The following CDKN3 variants were observed in gnomAD, a reference collection of about 807,000 sequenced individuals.
The protein encoded by CDKN3 is cyclin-dependent kinase inhibitor 3.
A neutral mutation model predicts 36.1 loss-of-function variants in CDKN3; 19 were observed. The ratio of observed to expected loss-of-function variants is 0.53; its 90% CI spans 0.37 to 0.77. The LOEUF (loss-of-function observed/expected upper bound fraction) is 0.77. Among genes scored for constraint, CDKN3 ranks in the 30% least tolerant of loss-of-function variants. The pLI is 0.00. For missense variants in CDKN3, 188 were observed against 248.6 expected (o/e 0.76, Z 1.64); for synonymous variants, 71 against 85.3 (o/e 0.83, Z 0.92).
rs556760670 is a variant in CDKN3 at position 54,406,114 on chromosome 14, T to A, written c.149-2631T>A. The stretch of plus-strand genomic sequence containing the variant: ...ACTTAGGAAGCTTAGTTTGGCTGGA[T>A]ATGAAATTCTGGGTTGAAAATTATT... On this transcript the variant is annotated intron_variant, in intron 3 of 7. Transcript: ENST00000335183. 2.0e-5 allele frequency among the ~76,000 whole-genome samples: 3 copies of A among 152,344 alleles called. No homozygotes were observed. In the South Asian group the frequency reaches 6.2e-4, roughly 32 times the overall value.
intron 4 of CDKN3, among the ~76,000 whole-genome samples, chr14:54,410,152 C>CT (rs901773734): frequency 6.6e-6 from 1 of 151,834 alleles, no homozygotes; most frequent in Non-Finnish European, 1.5e-5. Flanking sequence ...TTTCAAAATA[C>CT]TTTTTTTTCT....
chr14:54,403,957 T>A (rs2030054283), intron 3 of CDKN3, among the ~76,000 whole-genome samples: 1 of 152,330 alleles, frequency 6.6e-6, no homozygotes, highest in Admixed American at 6.5e-5. Context: ...TACTGAGGAT[T>A]TTCGCATCGA....
intron 3 of CDKN3, among the ~76,000 whole-genome samples, chr14:54,407,697 C>A (rs937183586): frequency 3.9e-5 from 6 of 152,206 alleles, no homozygotes; most frequent in African/African-American, 1.2e-4. Context: ...GCCCCTCCCC[C>A]CACCAAGCTG....
chr14:54,410,654 G>C (rs750179220), intron 4 of CDKN3, among the ~76,000 whole-genome samples: 4 of 152,186 alleles, frequency 2.6e-5, no homozygotes, highest in South Asian at 2.1e-4. Context: ...ATATGAGGGA[G>C]AATACTAGCA....
intron 2 of CDKN3, 72 bp from the exon 3 acceptor site, chr14:54,401,452 T>C: frequency 9.9e-7 from 1 of 1,013,556 alleles, no homozygotes; most frequent in Non-Finnish European, 1.5e-6. Context: ...GCACCCATAT[T>C]GATTAAACTG....
At chr14:54,397,123 G>A in intron 1 of CDKN3, 46 bp downstream of exon 1, 3 of 1,459,162 alleles carry the variant, frequency 2.1e-6, no homozygotes, top group Non-Finnish European at 1.8e-6. Flanking sequence ...CGGCAGGGAC[G>A]CAAGCGGTCC....
chr14:54,399,849 C>T (rs1566703073), intron 1 of CDKN3, 45 bp from the exon 2 acceptor site: 1 of 1,011,000 alleles, frequency 9.9e-7, no homozygotes, highest in Non-Finnish European at 1.6e-6. Flanking sequence ...CCTAAAACTA[C>T]AAAAAAATTC....
At chr14:54,407,305 G>T (rs2103777) in intron 3 of CDKN3, among the ~76,000 whole-genome samples, 58,552 of 152,116 alleles carry the variant, frequency 0.38, 13,077 homozygotes, top group Non-Finnish European at 0.5. Context: ...GTGTCTCCCC[G>T]TTAGGAGGCG....
chr14:54,417,995 T>C (rs1423209275), intron 7 of CDKN3, 44 bp downstream of exon 7: 1 of 1,097,322 alleles, frequency 9.1e-7, no homozygotes. Flanking sequence ...TTGGGGTCGT[T>C]GTTACAAATA....
chr14:54,417,512 C>T (rs2030590399), intron 6 of CDKN3, among the ~76,000 whole-genome samples: 1 of 152,130 alleles, frequency 6.6e-6, no homozygotes, highest in African/African-American at 2.4e-5. Flanking sequence ...TAGAGGATGA[C>T]AGCAAAAGGG....
intron 1 of CDKN3, among the ~76,000 whole-genome samples, chr14:54,397,867 G>A (rs1886360134): frequency 6.6e-6 from 1 of 152,136 alleles, no homozygotes; most frequent in Non-Finnish European, 1.5e-5. Context: ...GTGGTGTCTC[G>A]CGCCTGTAAT....
At position 54,417,923 on chromosome 14, in the gene CDKN3, G is replaced by A. The variant is rs2030603951; in HGVS notation, c.524G>A (p.Arg175Lys). 6.3e-7 allele frequency: 1 copy of A among 1,592,832 alleles called. No individual in the cohort carries two copies. The highest frequency in any genetic ancestry group is 8.6e-7 in the Non-Finnish European group (1 of 1,168,678). Reference sequence around the variant, plus strand: ...GCCATAGACAGCCTGCGAGACCTAAGAGGATCCGGGGCAATACAGACCATC... The same window carrying A: ...GCCATAGACAGCCTGCGAGACCTAAAAGGATCCGGGGCAATACAGACCATC... Reference protein sequence around the residue: ...EQAIDSLRDLRGSGAIQTIKQ... With the variant: ...EQAIDSLRDLKGSGAIQTIKQ... The change falls in exon 7 of 8, where the codon AGA becomes AAA. Residue 175 changes from arginine to lysine, a missense_variant. By Grantham distance (26) the Arg-to-Lys change is conservative (BLOSUM62 2). Coordinates refer to ENST00000335183, the MANE Select transcript of CDKN3 (RefSeq NM_005192.4).
intron 5 of CDKN3, among the ~76,000 whole-genome samples, chr14:54,415,456 A>G (rs936930412): frequency 2.0e-5 from 3 of 152,280 alleles, no homozygotes; most frequent in Admixed American, 6.5e-5. Flanking sequence ...GTGGTGCTCC[A>G]GAGCCCATGC....
In CDKN3 at chr14:54,408,726, G is replaced by A. The variant is rs751830958; in HGVS notation, c.149-19G>A. ...TGACGAAAAACTGACTTTTTTACTTGCTTTATTATTACTTATAGGTTGTAA... is the reference window on the plus strand; with the variant it reads ...TGACGAAAAACTGACTTTTTTACTTACTTTATTATTACTTATAGGTTGTAA... On this transcript the variant is annotated intron_variant, in intron 3 of 7. Coordinates refer to ENST00000335183, the MANE Select transcript of CDKN3 (RefSeq NM_005192.4). 1 of 1,565,988 alleles carries A rather than the reference G, an allele frequency of 6.4e-7. No individual in the cohort carries two copies. Among genetic ancestry groups the A allele is most frequent in the Non-Finnish European group, 8.6e-7 (1 of 1,162,878 alleles).
intron 5 of CDKN3, chr14:54,413,840 G>A: frequency 1.4e-6 from 2 of 1,383,668 alleles, no homozygotes; most frequent in Non-Finnish European, 1.9e-6. Flanking sequence ...TAGTTTCTTG[G>A]GGCTATTGTA....
At chr14:54,401,653 G>C (rs1289710546) in intron 3 of CDKN3, 74 bp downstream of exon 3, 2 of 1,062,954 alleles carry the variant, frequency 1.9e-6, no homozygotes, top group Non-Finnish European at 2.7e-6. Context: ...AGTAGCTTTT[G>C]GGGGGACAGG....
intron 3 of CDKN3, among the ~76,000 whole-genome samples, chr14:54,403,753 G>C (rs990948847): frequency 2.6e-5 from 4 of 152,156 alleles, no homozygotes; most frequent in African/African-American, 7.2e-5. Flanking sequence ...GCATGAAGGG[G>C]TGTTGAATTT....
intron 3 of CDKN3, 33 bp from the exon 4 acceptor site, chr14:54,408,712 T>G: frequency 6.4e-7 from 1 of 1,560,094 alleles, no homozygotes; most frequent in Non-Finnish European, 8.6e-7. Flanking sequence ...GACGAAAAAC[T>G]GACTTTTTTA....
chr14:54,397,335 G>A (rs1324782865), intron 1 of CDKN3, among the ~76,000 whole-genome samples: 1 of 152,266 alleles, frequency 6.6e-6, no homozygotes, highest in Admixed American at 6.5e-5. Flanking sequence ...CCCCTGCGGG[G>A]TCTCATAAGC....
Sources: allele counts gnomAD v4.1 joint callset (sites outside exome capture counted in the v4.1 genomes callset), GRCh38; gene constraint gnomAD v4.1.1; transcripts MANE v1.5; gene names NCBI Gene and HGNC (gene_info 2026-07-23, HGNC 2026-07-21).